Variants in CC2D2A observed in about 807,000 individuals in gnomAD.
CC2D2A encodes the protein coiled-coil and C2 domain-containing protein 2A.
In CC2D2A, 155 loss-of-function variants were observed where a neutral mutation model predicts 212.9. The observed-to-expected ratio is 0.73, with a 90% CI of 0.64 to 0.83. The LOEUF is 0.83. Among genes scored for constraint, CC2D2A ranks in the 40% least tolerant of loss-of-function variants. CC2D2A has a pLI of 0.00. For missense variants in CC2D2A, 1,856 were observed against 1,956.2 expected (o/e 0.95, Z 0.97); for synonymous variants, 667 against 686.5 (o/e 0.97, Z 0.44).
chr4:15,472,261 A>G (rs1713882111), intron 1 of CC2D2A, among the ~76,000 whole-genome samples: 1 of 152,370 alleles, frequency 6.6e-6, no homozygotes. Flanking sequence ...ATTGGGGCAC[A>G]TACTACTAAG....
intron 28 of CC2D2A, among the ~76,000 whole-genome samples, chr4:15,572,828 G>A (rs1350897905): frequency 1.3e-5 from 2 of 152,138 alleles, no homozygotes; most frequent in Non-Finnish European, 2.9e-5. Context: ...GAAGCTGACA[G>A]TGCAGCCTTC....
intron 24 of CC2D2A, among the ~76,000 whole-genome samples, chr4:15,566,522 C>A (rs1431378615): frequency 1.3e-5 from 2 of 152,082 alleles, no homozygotes; most frequent in African/African-American, 4.8e-5. Flanking sequence ...TTGTTCTCAG[C>A]ACACAGGCCT....
chr4:15,588,002 C>G (rs1299995461), intron 32 of CC2D2A, 73 bp downstream of exon 32: 2 of 799,488 alleles, frequency 2.5e-6, no homozygotes, highest in African/African-American at 1.7e-5. Context: ...AGATCACACA[C>G]AGGACATATT....
chr4:15,534,206 A>G (rs1718001871), intron 14 of CC2D2A, among the ~76,000 whole-genome samples: 1 of 152,204 alleles, frequency 6.6e-6, no homozygotes, highest in African/African-American at 2.4e-5. Flanking sequence ...ATTTGTAGGC[A>G]TTCTGCATAT....
At chr4:15,567,265 T>A in intron 24 of CC2D2A, 112 bp from the exon 25 acceptor site, 1 of 803,364 alleles carries the variant, frequency 1.2e-6, no homozygotes, top group Non-Finnish European at 2.0e-6. Flanking sequence ...GCCACTGCAC[T>A]TCAGCTTGGG....
At chr4:15,510,335 C>T in intron 7 of CC2D2A, 95 bp downstream of exon 7, 1 of 1,049,656 alleles carries the variant, frequency 9.5e-7, no homozygotes, top group Non-Finnish European at 1.4e-6. Flanking sequence ...GTGGCTCACG[C>T]CTGCAATCCC....
At chr4:15,529,870 T>A (rs573377603) in intron 13 of CC2D2A, among the ~76,000 whole-genome samples, 35 of 148,740 alleles carry the variant, frequency 2.4e-4, no homozygotes, top group African/African-American at 8.0e-4. Flanking sequence ...CTTTTTATTT[T>A]TTTATTTATT....
chr4:15,544,077 CCT>C (rs1718592276), intron 17 of CC2D2A: 1 of 152,168 alleles, frequency 6.6e-6, no homozygotes. Flanking sequence ...AATTCTGAAG[CCT>C]CCCATCTTCA....
At chr4:15,527,378 T>C in intron 11 of CC2D2A, 69 bp from the exon 12 acceptor site, 21 of 1,167,930 alleles carry the variant, frequency 1.8e-5, no homozygotes, top group Non-Finnish European at 2.6e-5. Flanking sequence ...TTTCCCATTG[T>C]GGATTAGAGA....
intron 13 of CC2D2A, among the ~76,000 whole-genome samples, chr4:15,532,495 A>G (rs769575198): frequency 1.3e-5 from 2 of 152,188 alleles, no homozygotes; most frequent in African/African-American, 2.4e-5. Flanking sequence ...GAGCTAAACT[A>G]TAAACTCCCT....
intron 30 of CC2D2A, among the ~76,000 whole-genome samples, 197 bp from the exon 31 acceptor site, chr4:15,585,960 A>G (rs903152072): frequency 3.3e-5 from 5 of 152,240 alleles, no homozygotes; most frequent in Admixed American, 1.3e-4. Context: ...TTCATCTGTA[A>G]AGAATGGGTA....
chr4:15,477,723 C>G (rs1183363293), intron 2 of CC2D2A, among the ~76,000 whole-genome samples: 2 of 152,124 alleles, frequency 1.3e-5, no homozygotes. Context: ...AGTCAGAGAT[C>G]AGGTCACATA....
rs539372200 is a variant in CC2D2A at position 15,511,352 on chromosome 4, G to C, written c.646G>C (p.Ala216Pro). 4.4e-6 allele frequency: 7 copies of C among 1,579,230 alleles called. No homozygotes were observed. The African/African-American group carries it at 5.5e-5, about 12-fold the overall frequency. The change falls in exon 8 of 37, where the codon GCG (alanine) becomes CCG (proline). Residue 216 changes from alanine (A) to proline (P), a missense_variant. Coordinates refer to ENST00000424120, the MANE Select transcript of CC2D2A (RefSeq NM_001378615.1). The part of the protein sequence containing the change: ...SEEKPKARHR[A>P]GTNQEEEEGE... ...GGAAAAACCAAAAGCAAGACATAGA[G>C]CGGGAACTAATCAAGAGGAGGAGGA... is the stretch of plus-strand genomic sequence containing the variant.
intron 17 of CC2D2A, among the ~76,000 whole-genome samples, chr4:15,549,729 G>C (rs1718900562): frequency 6.6e-6 from 1 of 152,172 alleles, no homozygotes; most frequent in Non-Finnish European, 1.5e-5. Flanking sequence ...CTTGAACCCA[G>C]GAGGCAGAGG....
chr4:15,554,344 G>C (rs1033036334), intron 19 of CC2D2A, among the ~76,000 whole-genome samples: 1 of 152,180 alleles, frequency 6.6e-6, no homozygotes, highest in African/African-American at 2.4e-5. Flanking sequence ...TTGATCTCCA[G>C]GTGTCCAAAG....
chr4:15,561,647 G>A (rs941110954), intron 23 of CC2D2A: 4 of 151,798 alleles, frequency 2.6e-5, no homozygotes, highest in Non-Finnish European at 4.4e-5. Flanking sequence ...TTGGCTTTAA[G>A]ATGTTTCTGT....
At chr4:15,573,999 G>C (rs568109308) in intron 28 of CC2D2A, 151 bp from the exon 29 acceptor site, 6 of 611,594 alleles carry the variant, frequency 9.8e-6, no homozygotes, top group Admixed American at 3.0e-5. Context: ...CGAGTGCTTA[G>C]AGAGATGAGA....
At chr4:15,520,611 GA>G (rs1377172950) in intron 11 of CC2D2A, among the ~76,000 whole-genome samples, 2 of 152,168 alleles carry the variant, frequency 1.3e-5, no homozygotes, top group Non-Finnish European at 2.9e-5. Context: ...AAATACACTG[GA>G]ATCAGAAAGG....
intron 4 of CC2D2A, chr4:15,481,733 C>A: frequency 1.1e-6 from 1 of 943,944 alleles, no homozygotes; most frequent in Non-Finnish European, 1.3e-6. Context: ...CTCAGATATT[C>A]CTTTATAGCA....
Sources: gnomAD v4.1 joint callset for allele counts (sites outside exome capture counted in the v4.1 genomes callset) on GRCh38, gnomAD v4.1.1 for gene constraint, MANE v1.5 for transcripts, NCBI Gene and HGNC (gene_info 2026-07-23, HGNC 2026-07-21) for gene names.